The following AKR1C8 variants were observed in gnomAD, a reference collection of about 807,000 sequenced individuals.
The protein encoded by AKR1C8 is aldo-keto reductase family 1 member C-like protein 1.
the AKR1C8 span, among the ~76,000 whole-genome samples, chr10:5,173,934 C>T: frequency 2.0e-5 from 3 of 151,986 alleles, no homozygotes; most frequent in African/African-American, 4.8e-5. Flanking sequence ...GCATAAAAGG[C>T]CCTAAGATGA....
At chr10:5,179,152 GA>G in the AKR1C8 span, among the ~76,000 whole-genome samples, 1 of 152,070 alleles carries the variant, frequency 6.6e-6, no homozygotes, top group African/African-American at 2.4e-5. Context: ...CTTCCTTCAG[GA>G]GCTCTTTTAG....
chr10:5,158,688 T>G, the AKR1C8 span: 1 of 491,370 alleles, frequency 2.0e-6, no homozygotes, highest in Non-Finnish European at 4.2e-6. Flanking sequence ...TTGCTCTGGT[T>G]GAGGTAAGGG....
the AKR1C8 span, among the ~76,000 whole-genome samples, chr10:5,128,895 A>G: frequency 6.6e-6 from 1 of 152,122 alleles, no homozygotes; most frequent in Non-Finnish European, 1.5e-5. Flanking sequence ...GAAAGTAAAT[A>G]GGAAACAATG....
the AKR1C8 span, among the ~76,000 whole-genome samples, chr10:5,130,775 T>C: frequency 2.6e-5 from 4 of 151,808 alleles, no homozygotes; most frequent in Admixed American, 6.6e-5. Context: ...AAAGAAATGA[T>C]ACATAAGACA....
chr10:5,153,457 T>C, the AKR1C8 span, among the ~76,000 whole-genome samples: 1 of 152,146 alleles, frequency 6.6e-6, no homozygotes, highest in Admixed American at 6.6e-5. Context: ...AAAACACATA[T>C]GTAAATAAGT....
the AKR1C8 span, among the ~76,000 whole-genome samples, chr10:5,119,164 C>A: frequency 6.6e-6 from 1 of 152,098 alleles, no homozygotes; most frequent in African/African-American, 2.4e-5. Context: ...ATTGGTAAAA[C>A]AATGTTTGGC....
chr10:5,143,068 T>C, the AKR1C8 span, among the ~76,000 whole-genome samples: 2 of 152,112 alleles, frequency 1.3e-5, no homozygotes, highest in African/African-American at 4.8e-5. Flanking sequence ...AGTATGCCAA[T>C]ACATGGTAGG....
the AKR1C8 span, among the ~76,000 whole-genome samples, chr10:5,166,929 A>G: frequency 0.075 from 10,443 of 140,150 alleles, 416 homozygotes; most frequent in African/African-American, 0.086. Context: ...AATGAACTCC[A>G]ACAAATTTAC....
chr10:5,168,271 C>G, the AKR1C8 span, among the ~76,000 whole-genome samples: 1 of 151,978 alleles, frequency 6.6e-6, no homozygotes, highest in Non-Finnish European at 1.5e-5. Context: ...ATCAGACAAG[C>G]CCACAGTAGA....
the AKR1C8 span, among the ~76,000 whole-genome samples, chr10:5,163,192 A>C: frequency 1.3e-5 from 2 of 152,176 alleles, no homozygotes; most frequent in Non-Finnish European, 2.9e-5. Context: ...CTCCAGTATA[A>C]CTTCTATTCC....
At chr10:5,175,101 A>T in the AKR1C8 span, among the ~76,000 whole-genome samples, 1 of 149,762 alleles carries the variant, frequency 6.7e-6, no homozygotes, top group African/African-American at 2.5e-5. Context: ...TATATCTCCT[A>T]ATGCTATCCC....
At chr10:5,168,528 G>T in the AKR1C8 span, among the ~76,000 whole-genome samples, 3 of 152,084 alleles carry the variant, frequency 2.0e-5, no homozygotes, top group East Asian at 5.8e-4. Flanking sequence ...GGGAGACCTG[G>T]GCAAGTTATT....
the AKR1C8 span, chr10:5,184,886 T>C: frequency 2.8e-6 from 1 of 352,952 alleles, no homozygotes; most frequent in South Asian, 2.1e-5. Context: ...TTAGAGACAG[T>C]TAAATGAAAT....
At chr10:5,127,642 C>G in the AKR1C8 span, among the ~76,000 whole-genome samples, 1 of 146,552 alleles carries the variant, frequency 6.8e-6, no homozygotes, top group Non-Finnish European at 1.5e-5. Flanking sequence ...TCGCTTTAAC[C>G]TGGGAGGAGG....
the AKR1C8 span, among the ~76,000 whole-genome samples, chr10:5,126,111 C>A: frequency 6.6e-6 from 1 of 152,078 alleles, no homozygotes; most frequent in East Asian, 1.9e-4. Flanking sequence ...CCTCTACCAC[C>A]AACAGTCAAA....
At chr10:5,116,891 C>T in the AKR1C8 span, among the ~76,000 whole-genome samples, 5 of 152,154 alleles carry the variant, frequency 3.3e-5, no homozygotes, top group Non-Finnish European at 7.3e-5. Flanking sequence ...TCCTGGAAAG[C>T]GTAGCATTCG....
the AKR1C8 span, among the ~76,000 whole-genome samples, chr10:5,184,809 C>T: frequency 6.6e-6 from 1 of 152,052 alleles, no homozygotes; most frequent in East Asian, 1.9e-4. Flanking sequence ...TCTCAGAATC[C>T]CCACAATCAA....
the AKR1C8 span, among the ~76,000 whole-genome samples, chr10:5,131,553 A>G: frequency 6.6e-6 from 1 of 152,256 alleles, no homozygotes; most frequent in African/African-American, 2.4e-5. Context: ...AAGTAGATAT[A>G]CAAACAGCCA....
the AKR1C8 span, among the ~76,000 whole-genome samples, chr10:5,160,305 C>A: frequency 2.0e-5 from 3 of 152,018 alleles, no homozygotes; most frequent in African/African-American, 7.3e-5. Flanking sequence ...ACAAATTATA[C>A]CAGAGTCATA....
Sources: gnomAD v4.1 joint callset for allele counts (sites outside exome capture counted in the v4.1 genomes callset) on GRCh38, gnomAD v4.1.1 for gene constraint, MANE v1.5 for transcripts, NCBI Gene and HGNC (gene_info 2026-07-23, HGNC 2026-07-21) for gene names.